The following PIK3CD variants were observed in gnomAD, a reference collection of about 807,000 sequenced individuals.
PIK3CD encodes the protein phosphatidylinositol 4,5-bisphosphate 3-kinase catalytic subunit delta isoform.
A neutral mutation model predicts 122.9 loss-of-function variants in PIK3CD; 20 were observed. The ratio of observed to expected loss-of-function variants is 0.16; its 90% confidence interval spans 0.11 to 0.24. The LOEUF (loss-of-function observed/expected upper bound fraction) is 0.24. PIK3CD is among the 10% of genes least tolerant of loss of function. PIK3CD has a pLI of 1.00. For missense variants in PIK3CD, 787 were observed against 1,406.3 expected, an observed-to-expected ratio of 0.56 and a Z score of 7.04; for synonymous variants, 596 against 593.4, an observed-to-expected ratio of 1.00 and a Z score of -0.06.
Position 9,724,191 on chromosome 1 carries a change from C to T in PIK3CD, c.2719-85C>T. 6.2e-7 allele frequency: 1 copy of T among 1,612,992 alleles called. No individual in the cohort carries two copies. Among genetic ancestry groups the T allele is most frequent in the Non-Finnish European group, 8.5e-7 (1 of 1,179,570 alleles). ...CACACAGCTCTGTGGCAGGGGTCCCCCAGCCCTGCTGGCTTCCTGTCTCCC... is the reference window on the plus strand; with the variant it reads ...CACACAGCTCTGTGGCAGGGGTCCCTCAGCCCTGCTGGCTTCCTGTCTCCC... On this transcript the variant is annotated intron_variant, in intron 21 of 23. Transcript: ENST00000377346. The surrounding 1 kb of genome is among the most constrained non-coding windows in gnomAD (Gnocchi z 7.3).
intron 1 of PIK3CD, chr1:9,688,221 C>T (rs1421740718): frequency 6.6e-6 from 1 of 152,352 alleles, no homozygotes; most frequent in Non-Finnish European, 1.5e-5. Flanking sequence ...AAGGAGTGTT[C>T]TTCAAACCAC....
the PIK3CD span, among the ~76,000 whole-genome samples, chr1:9,644,557 ATG>A: frequency 6.6e-6 from 1 of 151,836 alleles, no homozygotes; most frequent in African/African-American, 2.4e-5. Flanking sequence ...ATAAATAAAT[ATG>A]TAACCTTCAA....
Position 9,718,084 on chromosome 1 carries a change from A to G in PIK3CD, c.1020+458A>G. On this transcript the variant is annotated intron_variant, in intron 8 of 23. Coordinates refer to ENST00000377346, the MANE Select transcript of PIK3CD (RefSeq NM_005026.5). The surrounding 1 kb of genome is among the most constrained non-coding windows in gnomAD (Gnocchi z 7.2). ...CCCTGTTGTCTCTTAACACTTTCAC[A>G]CGCTCCATCGCAACAGCCTGCAGTC... 2.1e-6 allele frequency: 1 copy of G among 467,764 alleles called. No individual in the cohort carries two copies. Among genetic ancestry groups the G allele is most frequent in the Non-Finnish European group, 4.3e-6 (1 of 234,996 alleles). The allele number at this position is 467,764 out of a possible 1,614,324, so 29.0% of individuals were successfully genotyped here.
At chr1:9,633,000 T>G in the PIK3CD span, among the ~76,000 whole-genome samples, 1 of 151,870 alleles carries the variant, frequency 6.6e-6, no homozygotes, top group Non-Finnish European at 1.5e-5. Context: ...TAGCTGAGAC[T>G]ACAGGTGCCT....
intron 6 of PIK3CD, 122 bp downstream of exon 6, chr1:9,716,741 C>A: frequency 1.7e-6 from 2 of 1,199,878 alleles, no homozygotes; most frequent in Non-Finnish European, 2.4e-6. Context: ...TTTGGGTCAC[C>A]GCCAGAGCAT....
At chr1:9,711,855 G>T (rs543789583) in intron 3 of PIK3CD, among the ~76,000 whole-genome samples, 13 of 152,250 alleles carry the variant, frequency 8.5e-5, no homozygotes, top group African/African-American at 3.1e-4. Flanking sequence ...GTGGTTTACA[G>T]GTCTTTTGTC....
the PIK3CD span, among the ~76,000 whole-genome samples, chr1:9,636,385 G>A: frequency 2.0e-5 from 3 of 152,158 alleles, no homozygotes; most frequent in Admixed American, 6.5e-5. Context: ...GTAGAGACAG[G>A]GTTTCACCAT....
At chr1:9,656,153 G>T (rs748793524) in intron 1 of PIK3CD, among the ~76,000 whole-genome samples, 1 of 152,122 alleles carries the variant, frequency 6.6e-6, no homozygotes, top group African/African-American at 2.4e-5. Context: ...GGAGTAGGGT[G>T]GGGGAGGAGG....
chr1:9,686,894 G>C (rs1417059632), intron 1 of PIK3CD, among the ~76,000 whole-genome samples: 3 of 152,192 alleles, frequency 2.0e-5, no homozygotes, highest in African/African-American at 7.2e-5. Context: ...CACTGTTCTA[G>C]AGATTTTCCA....
intron 1 of PIK3CD, among the ~76,000 whole-genome samples, chr1:9,659,754 T>C (rs1644958521): frequency 6.6e-6 from 1 of 152,112 alleles, no homozygotes; most frequent in Non-Finnish European, 1.5e-5. Context: ...GGTACTACAT[T>C]CTTTTCTTTT....
In PIK3CD at chr1:9,710,451, G is replaced by C; in HGVS notation, c.-5G>C. ...CAACTGTCATCTGGGAAGTAACAAC[G>C]CAGGATGCCCCCTGGGGTGGACTGC... On this transcript the variant is annotated 5_prime_UTR_variant, in exon 3 of 24. Transcript: ENST00000377346. This position sits in a 1 kb window ranked among gnomAD's most constrained non-coding sequence, Gnocchi z 4.7. The C allele has an allele frequency of 6.2e-7, 1 of 1,614,010 alleles. No homozygotes were observed. Among genetic ancestry groups the C allele is most frequent in the Non-Finnish European group, 8.5e-7 (1 of 1,179,958 alleles).
intron 1 of PIK3CD, among the ~76,000 whole-genome samples, chr1:9,677,839 A>G (rs1361595457): frequency 1.3e-5 from 2 of 152,010 alleles, no homozygotes; most frequent in African/African-American, 4.8e-5. Context: ...TAAAATATAG[A>G]TTTGGCAGAG....
At chr1:9,675,807 C>T (rs889584161) in intron 1 of PIK3CD, among the ~76,000 whole-genome samples, 7 of 151,788 alleles carry the variant, frequency 4.6e-5, no homozygotes, top group African/African-American at 9.7e-5. Flanking sequence ...GCTGTGTCAC[C>T]CAGTCTGGAG....
chr1:9,705,794 A>G (rs1646809162), intron 2 of PIK3CD, among the ~76,000 whole-genome samples: 1 of 152,240 alleles, frequency 6.6e-6, no homozygotes, highest in Non-Finnish European at 1.5e-5. Context: ...AAATTGGCAA[A>G]AATGAGTAAA....
intron 23 of PIK3CD, 78 bp from the exon 24 acceptor site, chr1:9,726,829 CTG>C (rs1455772112): frequency 1.2e-5 from 19 of 1,567,768 alleles, no homozygotes; most frequent in Admixed American, 1.7e-5. Flanking sequence ...TTCAGTGACT[CTG>C]AAGTCCCCAG....
chr1:9,707,518 A>C (rs1646884452), intron 2 of PIK3CD, among the ~76,000 whole-genome samples: 1 of 151,012 alleles, frequency 6.6e-6, no homozygotes, highest in South Asian at 2.1e-4. Flanking sequence ...CCCGACTCCC[A>C]CCCTCCACCC....
At chr1:9,668,817 T>C (rs918562950) in intron 1 of PIK3CD, among the ~76,000 whole-genome samples, 2 of 152,166 alleles carry the variant, frequency 1.3e-5, no homozygotes, top group Admixed American at 6.5e-5. Flanking sequence ...TGGATCTGGG[T>C]GTGAGCCTCC....
At chr1:9,716,796 C>T (rs1216034727) in intron 6 of PIK3CD, among the ~76,000 whole-genome samples, 163 bp from the exon 7 acceptor site, 3 of 152,194 alleles carry the variant, frequency 2.0e-5, no homozygotes, top group Non-Finnish European at 2.9e-5. Flanking sequence ...GGAGGGGCTC[C>T]GTCTTGGGAG....
intron 1 of PIK3CD, among the ~76,000 whole-genome samples, chr1:9,667,156 G>A (rs868627500): frequency 2.0e-5 from 3 of 152,012 alleles, no homozygotes; most frequent in South Asian, 2.1e-4. Context: ...GAGCCACTGC[G>A]CCCAGCCAAA....
Sources: gnomAD v4.1 joint callset for allele counts (sites outside exome capture counted in the v4.1 genomes callset) on GRCh38, gnomAD v4.1.1 for gene constraint, Gnocchi (gnomAD v3.1) non-coding constraint, MANE v1.5 for transcripts, NCBI Gene and HGNC (gene_info 2026-07-23, HGNC 2026-07-21) for gene names.